CD276: variants seen among roughly 807,000 people sequenced by gnomAD.
CD276 encodes CD276 antigen.
Under a neutral mutation model 50.0 loss-of-function variants are expected in CD276, and 34 were observed. The observed-to-expected ratio is 0.68, with a 90% confidence interval of 0.52 to 0.91. The LOEUF (loss-of-function observed/expected upper bound fraction) is 0.91. Among genes scored for constraint, CD276 ranks in the 40% least tolerant of loss-of-function variants. The pLI is 0.00. For missense variants in CD276, 634 were observed against 717.5 expected (o/e 0.88, Z 1.33); for synonymous variants, 275 against 313.0 (o/e 0.88, Z 1.28).
At chr15:73,694,921 G>T (rs1278393939) in intron 1 of CD276, among the ~76,000 whole-genome samples, 1 of 152,158 alleles carries the variant, frequency 6.6e-6, no homozygotes, top group Non-Finnish European at 1.5e-5. Context: ...GATCACTTGA[G>T]CCCAGGAGTT....
chr15:73,711,288 A>C (rs1045366643), intron 9 of CD276, 118 bp downstream of exon 9: 6 of 1,101,082 alleles, frequency 5.4e-6, no homozygotes, highest in African/African-American at 3.1e-5. Context: ...TCTGCAGAAG[A>C]GCAGCCTCAA....
chr15:73,697,872 C>T (rs1422463076), intron 1 of CD276, among the ~76,000 whole-genome samples: 1 of 152,140 alleles, frequency 6.6e-6, no homozygotes, highest in Non-Finnish European at 1.5e-5. Flanking sequence ...CAGCCATGGG[C>T]TTTAATTTTT....
chr15:73,703,194 G>C (rs1596014673), intron 4 of CD276, 108 bp downstream of exon 4: 2 of 1,284,088 alleles, frequency 1.6e-6, no homozygotes, highest in East Asian at 5.1e-5. Context: ...ACAGCAAGTT[G>C]CCTCCTAATG....
Position 73,708,346 on chromosome 15 carries a change from T to C in CD276, c.1377T>C (p.Pro459=). ...TGCTACTTTTCCTCTCAGGGCAGCC[T>C]ATGACATTCCCCCCAGAGGCCCTGT... ...AHGSVTITGQ[P]MTFPPEALWV... The change falls in exon 7 of 10, where the codon CCT becomes CCC. Residue 459 remains proline, a synonymous_variant. Coordinates refer to ENST00000318443, the MANE Select transcript of CD276 (RefSeq NM_001024736.2). 6.2e-7 allele frequency: 1 copy of C among 1,614,140 alleles called. No individual in the cohort carries two copies. Among genetic ancestry groups the C allele is most frequent in the Non-Finnish European group, 8.5e-7 (1 of 1,180,018 alleles).
chr15:73,698,051 G>A (rs1451114211), intron 1 of CD276, among the ~76,000 whole-genome samples: 1 of 152,148 alleles, frequency 6.6e-6, no homozygotes, highest in African/African-American at 2.4e-5. Flanking sequence ...GGGACAAGGT[G>A]TGTGCAGCCT....
Position 73,702,294 on chromosome 15 carries a change from C to T in CD276, c.119C>T (p.Ala40Val). 6.2e-7 allele frequency: 1 copy of T among 1,612,906 alleles called. No homozygotes were observed. Among genetic ancestry groups the T allele is most frequent in the Non-Finnish European group, 8.5e-7 (1 of 1,179,776 alleles). Residue 40 changes from alanine (A) to valine (V), a missense_variant, in exon 3 of 10, where the codon GCA becomes GTA. Physicochemically the swap from Ala to Val is moderately conservative, Grantham distance 64. Transcript: ENST00000318443. Reference sequence around the variant, plus strand: ...CAGGTCCCTGAAGACCCAGTGGTGGCACTGGTGGGCACCGATGCCACCCTG... The same window carrying T: ...CAGGTCCCTGAAGACCCAGTGGTGGTACTGGTGGGCACCGATGCCACCCTG... ...EVQVPEDPVV[A>V]LVGTDATLCC... is the part of the protein sequence containing the mutation.
At chr15:73,698,948 C>A (rs772276431) in intron 1 of CD276, among the ~76,000 whole-genome samples, 1 of 152,158 alleles carries the variant, frequency 6.6e-6, no homozygotes, top group Non-Finnish European at 1.5e-5. Flanking sequence ...AACATTGTTA[C>A]CTAGATTATG....
Position 73,699,666 on chromosome 15 carries a change from C to T in CD276, c.27C>T (p.Gly9=), listed in dbSNP as rs1353825966. 6.2e-7 allele frequency: 1 copy of T among 1,613,010 alleles called. No homozygotes were observed. Among genetic ancestry groups the T allele is most frequent in the African/African-American group, 1.3e-5 (1 of 74,938 alleles). The change falls in exon 2 of 10, where the codon GGC becomes GGT. Residue 9 remains glycine (G), a synonymous_variant. Coordinates refer to ENST00000318443, the MANE Select transcript of CD276 (RefSeq NM_001024736.2). MLRRRGSP[G]MGVHVGAALG... is the part of the protein sequence containing the mutation. ...TGCTGCGTCGGCGGGGCAGCCCTGG[C>T]ATGGGTGTGCATGTGGGTGCAGCCC...
In CD276 at chr15:73,687,965, T is replaced by A. The variant is rs1379554845; in HGVS notation, c.-55+3505T>A. 6.6e-6 allele frequency among the ~76,000 whole-genome samples: 1 copy of A among 152,142 alleles called. No individual in the cohort carries two copies. The highest frequency in any genetic ancestry group is 1.5e-5 in the Non-Finnish European group (1 of 68,020). ...TTGGAATGTGTCCCTGTGGGAATGC[T>A]CTGTGCTAGGGGCTATGGCAGCAGG... On this transcript the variant is annotated intron_variant, in intron 1 of 9. Transcript: ENST00000318443. This position sits in a 1 kb window ranked among gnomAD's most constrained non-coding sequence, Gnocchi z 4.0.
chr15:73,707,870 A>C (rs1332400038), intron 6 of CD276, among the ~76,000 whole-genome samples: 2 of 152,240 alleles, frequency 1.3e-5, no homozygotes, highest in Non-Finnish European at 2.9e-5. Context: ...TATTGAGCTA[A>C]GCAGAGAATT....
Position 73,713,212 on chromosome 15 carries a change from G to A in CD276, c.*256G>A. 2 of 479,920 alleles carry A rather than the reference G, an allele frequency of 4.2e-6. No individual in the cohort carries two copies. The highest frequency in any genetic ancestry group is 7.3e-6 in the Non-Finnish European group (2 of 272,786). The allele number at this position is 479,920 out of a possible 1,614,324, so 29.7% of individuals were successfully genotyped here. Reference sequence around the variant, plus strand: ...CAACCTTAGTTCTCTAAGTCATCCTGCCTGCTGCCTTATTTCACAGTACAT... The same window carrying A: ...CAACCTTAGTTCTCTAAGTCATCCTACCTGCTGCCTTATTTCACAGTACAT... On this transcript the variant is annotated 3_prime_UTR_variant, in exon 10 of 10. Transcript: ENST00000318443.
chr15:73,702,436 C>A lies in CD276; in HGVS notation c.261C>A (p.Ser87Arg), dbSNP rs370801727. The A allele has an allele frequency of 6.2e-7, 1 of 1,613,674 alleles. No homozygotes were observed. The highest frequency in any genetic ancestry group is 2.2e-5 in the East Asian group (1 of 44,884). Residue 87 changes from serine (S) to arginine (R), a missense_variant, in exon 3 of 10, where the codon AGC becomes AGA. Coordinates refer to ENST00000318443, the MANE Select transcript of CD276 (RefSeq NM_001024736.2). ...HSFAEGQDQGSAYANRTALFP... is the reference protein window; with the variant it reads ...HSFAEGQDQGRAYANRTALFP... ...TTGCTGAGGGCCAGGACCAGGGCAG[C>A]GCCTATGCCAACCGCACGGCCCTCT...
intron 7 of CD276, 115 bp downstream of exon 7, chr15:73,708,588 T>C (rs2141581101): frequency 2.4e-6 from 3 of 1,262,614 alleles, no homozygotes; most frequent in South Asian, 1.4e-5. Context: ...AGTGTGTGTG[T>C]GCAGATGGGG....
At chr15:73,712,823 C>T (rs1187061785) in intron 9 of CD276, 111 bp from the exon 10 acceptor site, 3 of 1,098,570 alleles carry the variant, frequency 2.7e-6, no homozygotes, top group Non-Finnish European at 4.1e-6. Context: ...CACACACTCC[C>T]CACTTGAAGT....
chr15:73,690,554 C>A lies in CD276; in HGVS notation c.-55+6094C>A, dbSNP rs117642830. 1.9e-3 allele frequency: 721 copies of A among 383,526 alleles called. 22 individuals are homozygous for A. The East Asian group carries it at 0.048, about 26-fold the overall frequency. The allele number at this position is 383,526 out of a possible 1,614,324, so 23.8% of individuals were successfully genotyped here. Reference sequence around the variant, plus strand: ...GGCGAGGGCCTTCTTGCTGCATTATCCTATTGTGGAAGGGCATGTGAGCGT... The same window carrying A: ...GGCGAGGGCCTTCTTGCTGCATTATACTATTGTGGAAGGGCATGTGAGCGT... On this transcript the variant is annotated intron_variant, in intron 1 of 9. Transcript: ENST00000318443.
rs533368176 is a variant in CD276 at position 73,707,951 on chromosome 15, C to T, written c.1370-388C>T. On this transcript the variant is annotated intron_variant, in intron 6 of 9. Coordinates refer to ENST00000318443, the MANE Select transcript of CD276 (RefSeq NM_001024736.2). ...CTTCTGGAGAGAATGGTTAGGACACCAGTTTGGCTGAAGCTGAGGCTCCTA... is the reference window on the plus strand; with the variant it reads ...CTTCTGGAGAGAATGGTTAGGACACTAGTTTGGCTGAAGCTGAGGCTCCTA... Among the ~76,000 whole-genome samples the T allele has an allele frequency of 3.9e-5, 6 of 152,310 alleles. No homozygotes were observed. In the South Asian group the frequency reaches 1.0e-3, roughly 26 times the overall value.
In CD276 at chr15:73,713,231, A is replaced by G; in HGVS notation, c.*275A>G. On this transcript the variant is annotated 3_prime_UTR_variant, in exon 10 of 10. Coordinates refer to ENST00000318443, the MANE Select transcript of CD276 (RefSeq NM_001024736.2). Reference sequence around the variant, plus strand: ...CATCCTGCCTGCTGCCTTATTTCACAGTACATACATTTCTTAGGGACACAG... The same window carrying G: ...CATCCTGCCTGCTGCCTTATTTCACGGTACATACATTTCTTAGGGACACAG... 1 of 458,984 alleles carries G rather than the reference A, an allele frequency of 2.2e-6. No homozygotes were observed. Among genetic ancestry groups the G allele is most frequent in the Non-Finnish European group, 3.9e-6 (1 of 259,626 alleles). 28.4% of individuals were successfully genotyped at this position (458,984 alleles called of 1,614,324 possible).
At position 73,702,943 on chromosome 15, in the gene CD276, A is replaced by G. The variant is rs375773746; in HGVS notation, c.590A>G (p.Asn197Ser). ...TGNVTTSQMA[N>S]EQGLFDVHSI... ...AACGTGACCACGTCGCAGATGGCCA[A>G]CGAGCAGGGCTTGTTTGATGTGCAC... The change falls in exon 4 of 10, where the codon AAC (asparagine) becomes AGC (serine). Residue 197 changes from asparagine to serine, a missense_variant. Asn to Ser is a conservative substitution (Grantham distance 46). Transcript: ENST00000318443. The G allele has an allele frequency of 1.7e-4, 271 of 1,614,062 alleles. No individual in the cohort carries two copies. Among genetic ancestry groups the G allele is most frequent in the Non-Finnish European group, 1.6e-4 (187 of 1,180,050 alleles).
intron 9 of CD276, chr15:73,711,494 C>T (rs1229730241): frequency 9.7e-6 from 3 of 309,362 alleles, no homozygotes; most frequent in Non-Finnish European, 1.8e-5. Flanking sequence ...TCTTCAACTT[C>T]AAGCTTTCAC....
Sources: allele counts gnomAD v4.1 joint callset (sites outside exome capture counted in the v4.1 genomes callset), GRCh38; gene constraint gnomAD v4.1.1; non-coding constraint Gnocchi (gnomAD v3.1); transcripts MANE v1.5; gene names NCBI Gene and HGNC (gene_info 2026-07-23, HGNC 2026-07-21).